The following RFX4 variants were observed in gnomAD, a reference collection of about 807,000 sequenced individuals.
RFX4 encodes the protein regulatory factor X4, also known as transcription factor RFX4.
Under a neutral mutation model 95.0 loss-of-function variants are expected in RFX4, and 10 were observed. The ratio of observed to expected loss-of-function variants is 0.11; its 90% CI spans 0.06 to 0.18. The LOEUF (loss-of-function observed/expected upper bound fraction) is 0.18, where lower values mean the gene tolerates loss of function less well. RFX4 is among the 10% of genes least tolerant of loss of function. The probability of loss-of-function intolerance (pLI) is 1.00; values close to 1 mark genes in which losing one functional copy is unlikely to be tolerated. For synonymous variants in RFX4, 321 were observed against 340.7 expected, an observed-to-expected ratio of 0.94 and a Z score of 0.64; for missense variants, 640 against 922.0, an observed-to-expected ratio of 0.69 and a Z score of 3.96.
At chr12:106,588,442 C>T (rs968523950) in intron 1 of RFX4, among the ~76,000 whole-genome samples, 1 of 152,168 alleles carries the variant, frequency 6.6e-6, no homozygotes. Context: ...TACACATTGG[C>T]CAATGTACTA....
At chr12:106,593,279 T>C (rs748384374) in intron 1 of RFX4, among the ~76,000 whole-genome samples, 1 of 152,230 alleles carries the variant, frequency 6.6e-6, no homozygotes, top group Non-Finnish European at 1.5e-5. Flanking sequence ...GTTAGCACTT[T>C]GTGTCCTGTG....
chr12:106,603,934 T>C (rs1204214141), intron 1 of RFX4, among the ~76,000 whole-genome samples: 2 of 152,110 alleles, frequency 1.3e-5, no homozygotes. Context: ...AAAGCATGCA[T>C]TTATTGTGCG....
intron 5 of RFX4, chr12:106,684,752 G>A (rs370914330): frequency 8.5e-6 from 13 of 1,536,524 alleles, no homozygotes; most frequent in South Asian, 4.8e-5. Flanking sequence ...TAGAAGACAC[G>A]GAAGGCACAG....
At chr12:106,647,058 T>G (rs2040761705) in intron 3 of RFX4, among the ~76,000 whole-genome samples, 1 of 152,240 alleles carries the variant, frequency 6.6e-6, no homozygotes, top group African/African-American at 2.4e-5. Flanking sequence ...CAAAGCCCAC[T>G]GTTTTCTATT....
At chr12:106,614,958 C>T (rs1565950737) in intron 2 of RFX4, among the ~76,000 whole-genome samples, 1 of 152,158 alleles carries the variant, frequency 6.6e-6, no homozygotes, top group East Asian at 1.9e-4. Flanking sequence ...TTTATATTCT[C>T]ATAATAACTT....
intron 15 of RFX4, among the ~76,000 whole-genome samples, chr12:106,741,515 C>T (rs532407621): frequency 1.4e-4 from 21 of 152,272 alleles, no homozygotes; most frequent in African/African-American, 5.1e-4. Context: ...TTAAGCACTT[C>T]AAATGTGGCT....
chr12:106,737,169 T>G (rs966089352), intron 15 of RFX4, among the ~76,000 whole-genome samples: 33 of 73,212 alleles, frequency 4.5e-4, no homozygotes, highest in Non-Finnish European at 6.4e-4. Context: ...AAAGTTTTTT[T>G]TTTTTTTTTT....
At chr12:106,654,756 A>G (rs1360570679) in intron 4 of RFX4, among the ~76,000 whole-genome samples, 8 of 152,158 alleles carry the variant, frequency 5.3e-5, no homozygotes. Context: ...TCCTCTGCAA[A>G]GAGTGGTACT....
At chr12:106,679,345 C>G (rs916054729) in intron 4 of RFX4, among the ~76,000 whole-genome samples, 48 of 152,076 alleles carry the variant, frequency 3.2e-4, no homozygotes, top group Non-Finnish European at 6.9e-4. Flanking sequence ...GTCCCAGCTA[C>G]TTGGTAGGCT....
At chr12:106,606,209 G>A (rs1272056725) in intron 1 of RFX4, among the ~76,000 whole-genome samples, 1 of 152,188 alleles carries the variant, frequency 6.6e-6, no homozygotes, top group Non-Finnish European at 1.5e-5. Context: ...CAGGCAAATG[G>A]GTGAGAGGGA....
rs530203287 is a variant in RFX4 at position 106,687,028 on chromosome 12, C to T, written c.522C>T (p.Leu174=). The part of the protein sequence containing the change: ...QTVAYSPRSK[L]GTLLPEFPNV... ...TGGCATATTCACCCCGGTCCAAACT[C>T]GGAACACTGCTGCCAGAATTTCCCA... Residue 174 remains leucine (L), a synonymous_variant, in exon 6 of 18, where the codon CTC becomes CTT. Coordinates refer to ENST00000392842, the MANE Select transcript of RFX4 (RefSeq NM_213594.3). 28 of 1,613,994 alleles carry T rather than the reference C, an allele frequency of 1.7e-5. No homozygotes were observed. Among genetic ancestry groups the T allele is most frequent in the Admixed American group, 1.2e-4 (7 of 59,990 alleles).
Position 106,720,928 on chromosome 12 carries a change from G to C in RFX4, c.1351+52G>C, listed in dbSNP as rs756504110. The stretch of plus-strand genomic sequence containing the variant: ...TCCAAGCACTTTTTCCTCTGGGCAC[G>C]GAGCCCAGAGGAATCTACCACAGTC... On this transcript the variant is annotated intron_variant, in intron 13 of 17. Transcript: ENST00000392842. This position sits in a 1 kb window ranked among gnomAD's most constrained non-coding sequence, Gnocchi z 4.2. 4.1e-6 allele frequency: 6 copies of C among 1,461,690 alleles called. No homozygotes were observed. Among genetic ancestry groups the C allele is most frequent in the South Asian group, 1.1e-5 (1 of 88,024 alleles). The allele number at this position is 1,461,690 out of a possible 1,614,324, so 90.5% of individuals were successfully genotyped here.
At position 106,653,989 on chromosome 12, in the gene RFX4, G is replaced by T. The variant is rs188081531; in HGVS notation, c.192-239G>T. On this transcript the variant is annotated intron_variant, in intron 3 of 17. Coordinates refer to ENST00000392842, the MANE Select transcript of RFX4 (RefSeq NM_213594.3). ...TACAGAGTAGAGGATCTGGGAATTT[G>T]GGCTGAAAAAGTAGCCTGGTGTCAT... Among the ~76,000 whole-genome samples, 354 of 152,282 alleles carry T rather than the reference G, an allele frequency of 2.3e-3. 1 individual carries two copies. The highest frequency in any genetic ancestry group is 8.0e-3 in the African/African-American group (332 of 41,548).
rs533586773 is a variant in RFX4, at chr12:106,697,634, A to G, written c.833+1188A>G. ...GAGGCTCTAAGGGAGAGTATGTGCCATGCCTGTCTTCTGGCTCCCGGTGTT... is the reference window on the plus strand; with the variant it reads ...GAGGCTCTAAGGGAGAGTATGTGCCGTGCCTGTCTTCTGGCTCCCGGTGTT... On this transcript the variant is annotated intron_variant, in intron 8 of 17. Transcript: ENST00000392842. 1.9e-3 allele frequency among the ~76,000 whole-genome samples: 290 copies of G among 152,094 alleles called. 1 individual carries two copies. The highest frequency in any genetic ancestry group is 6.2e-3 in the African/African-American group (256 of 41,516).
chr12:106,733,388 C>G (rs565217652), intron 15 of RFX4: 333 of 267,338 alleles, frequency 1.2e-3, no homozygotes, highest in Non-Finnish European at 1.6e-3. Context: ...AATGCCAAAA[C>G]CTGGGTATCT....
chr12:106,617,349 C>A (rs184980944), intron 2 of RFX4, among the ~76,000 whole-genome samples: 1 of 152,214 alleles, frequency 6.6e-6, no homozygotes, highest in East Asian at 1.9e-4. Context: ...TGATTTTCAA[C>A]CTTTTCTAAG....
chr12:106,692,062 C>T (rs567361804), intron 7 of RFX4, among the ~76,000 whole-genome samples: 11 of 150,850 alleles, frequency 7.3e-5, no homozygotes, highest in African/African-American at 2.4e-4. Flanking sequence ...GAGGCCGAGG[C>T]AGGAGAATCG....
intron 4 of RFX4, among the ~76,000 whole-genome samples, chr12:106,656,713 CCTT>C (rs1203525829): frequency 6.6e-6 from 1 of 152,080 alleles, no homozygotes; most frequent in Non-Finnish European, 1.5e-5. Flanking sequence ...TCCCCTTCCT[CCTT>C]GAGACACCCC....
intron 2 of RFX4, among the ~76,000 whole-genome samples, chr12:106,629,948 T>C (rs2040384871): frequency 6.6e-6 from 1 of 151,970 alleles, no homozygotes; most frequent in South Asian, 2.1e-4. Flanking sequence ...CACAGCAGAG[T>C]TGTGCGGTTG....
Sources: allele counts gnomAD v4.1 joint callset (sites outside exome capture counted in the v4.1 genomes callset), GRCh38; gene constraint gnomAD v4.1.1; non-coding constraint Gnocchi (gnomAD v3.1); transcripts MANE v1.5; gene names NCBI Gene and HGNC (gene_info 2026-07-23, HGNC 2026-07-21).